DDX20: variants seen among roughly 807,000 people sequenced by gnomAD.
DDX20 encodes the protein DEAD-box helicase 20.
DDX20 carries 61 observed loss-of-function variants against 76.4 expected under a neutral mutation model. The ratio of observed to expected loss-of-function variants is 0.80; its 90% CI spans 0.65 to 0.99. The LOEUF (loss-of-function observed/expected upper bound fraction) is 0.99, where lower values mean the gene tolerates loss of function less well. Among genes scored for constraint, DDX20 ranks in the 50% least tolerant of loss-of-function variants. DDX20 has a pLI of 0.00. For missense variants in DDX20, 976 were observed against 996.8 expected, an observed-to-expected ratio of 0.98 and a Z score of 0.28; for synonymous variants, 357 against 357.4, an observed-to-expected ratio of 1.00 and a Z score of 0.01.
Position 111,762,784 on chromosome 1 carries a change from TAAAAA to T in DDX20, c.1210+14_1210+18del, listed in dbSNP as rs78248378. ...GGATTGGGAGAGCTGGCCGTTTTGG[TAAAAA>T]AAAAAAAAAAAGTTTGAGTGCTTTC... On this transcript the variant is annotated splice_donor_5th_base_variant and intron_variant, in intron 9 of 10. Transcript: ENST00000369702. 64 of 1,525,334 alleles carry T rather than the reference TAAAAA, an allele frequency of 4.2e-5. No individual in the cohort carries two copies. Among genetic ancestry groups the T allele is most frequent in the Non-Finnish European group, 5.3e-5 (59 of 1,117,496 alleles). 94.5% of individuals were successfully genotyped at this position (1,525,334 alleles called of 1,614,324 possible).
chr1:111,757,156 G>A (rs1663578947), intron 2 of DDX20, among the ~76,000 whole-genome samples: 1 of 151,640 alleles, frequency 6.6e-6, no homozygotes, highest in Admixed American at 6.6e-5. Flanking sequence ...GGGCTCCAGT[G>A]ATCCTCCCAC....
At position 111,766,662 on chromosome 1, in the gene DDX20, G is replaced by A. The variant is rs781063242; in HGVS notation, c.2238G>A (p.Leu746=). ...RNLPRRSSFR[L]QTEAQEDDWY... ...TACCCAGGCGGTCTTCCTTCAGATT[G>A]CAGACTGAAGCCCAGGAAGATGATT... The change falls in exon 11 of 11, where the codon TTG becomes TTA. Residue 746 remains leucine (L), a synonymous_variant. Coordinates refer to ENST00000369702, the MANE Select transcript of DDX20 (RefSeq NM_007204.5). The A allele has an allele frequency of 6.2e-7, 1 of 1,614,180 alleles. No individual in the cohort carries two copies. Among genetic ancestry groups the A allele is most frequent in the Non-Finnish European group, 8.5e-7 (1 of 1,180,022 alleles).
rs774241056 is a variant in DDX20 at position 111,765,750 on chromosome 1, T to C, written c.1326T>C (p.Ser442=). 2 of 1,595,354 alleles carry C rather than the reference T, an allele frequency of 1.3e-6. No homozygotes were observed. Among genetic ancestry groups the C allele is most frequent in the South Asian group, 2.3e-5 (2 of 87,232 alleles). ...NLLPLPDPIP[S]GLMEECVDWD... The stretch of plus-strand genomic sequence containing the variant: ...CTTTTTATGTAGATCCCATTCCTTC[T>C]GGTCTGATGGAAGAATGTGTGGATT... The change falls in exon 11 of 11, where the codon TCT becomes TCC. Residue 442 remains serine, a synonymous_variant. Coordinates refer to ENST00000369702, the MANE Select transcript of DDX20 (RefSeq NM_007204.5).
At position 111,761,208 on chromosome 1, in the gene DDX20, T is replaced by A. The variant is rs745780106; in HGVS notation, c.963-18T>A. 1 of 1,612,638 alleles carries A rather than the reference T, an allele frequency of 6.2e-7. No individual in the cohort carries two copies. Among genetic ancestry groups the A allele is most frequent in the Admixed American group, 1.7e-5 (1 of 59,876 alleles). On this transcript the variant is annotated intron_variant, in intron 6 of 10. Transcript: ENST00000369702. ...GCAATATTTGTAAATTTGTAACCAT[T>A]TATGTTATATTTCATAGAGCACAAC...
At chr1:111,762,430 T>C (rs1663692311) in intron 8 of DDX20, 93 bp downstream of exon 8, 1 of 1,052,164 alleles carries the variant, frequency 9.5e-7, no homozygotes, top group Non-Finnish European at 1.4e-6. Flanking sequence ...TATGTAGGCG[T>C]ATCTAACAAG....
chr1:111,759,587 T>C lies in DDX20; in HGVS notation c.565+19T>C. The C allele has an allele frequency of 6.2e-7, 1 of 1,603,530 alleles. No individual in the cohort carries two copies. Among genetic ancestry groups the C allele is most frequent in the Non-Finnish European group, 8.5e-7 (1 of 1,175,402 alleles). ...TCTCCTGGTAAGATAACAATGCCTGTTGGTAACCAGGGCTTTTAAGGAACT... is the reference window on the plus strand; with the variant it reads ...TCTCCTGGTAAGATAACAATGCCTGCTGGTAACCAGGGCTTTTAAGGAACT... On this transcript the variant is annotated intron_variant, in intron 3 of 10. Transcript: ENST00000369702.
chr1:111,760,534 T>C lies in DDX20; in HGVS notation c.626T>C (p.Ile209Thr). Residue 209 changes from isoleucine (I) to threonine (T), a missense_variant, in exon 4 of 11, where the codon ATT becomes ACT. Transcript: ENST00000369702. ...YLNPGSIRLF[I>T]LDEADKLLEE... ...AACCCAGGCAGTATACGCCTCTTTATTCTTGATGAAGCAGATAAGCTTTTA... is the reference window on the plus strand; with the variant it reads ...AACCCAGGCAGTATACGCCTCTTTACTCTTGATGAAGCAGATAAGCTTTTA... 1 of 1,613,466 alleles carries C rather than the reference T, an allele frequency of 6.2e-7. No homozygotes were observed. Among genetic ancestry groups the C allele is most frequent in the African/African-American group, 1.3e-5 (1 of 74,994 alleles).
At chr1:111,762,399 T>A in intron 8 of DDX20, 62 bp downstream of exon 8, 1 of 1,314,876 alleles carries the variant, frequency 7.6e-7, no homozygotes, top group Non-Finnish European at 1.1e-6. Context: ...TTATCAGATG[T>A]ACAGATTTCA....
intron 10 of DDX20, among the ~76,000 whole-genome samples, chr1:111,763,352 A>G (rs2101423081): frequency 6.6e-6 from 1 of 152,334 alleles, no homozygotes; most frequent in East Asian, 1.9e-4. Context: ...CAGGTGGATC[A>G]CATGAGGTCA....
Position 111,761,054 on chromosome 1 carries a change from T to G in DDX20, c.891T>G (p.Thr297=), listed in dbSNP as rs768355847. 2 of 1,613,988 alleles carry G rather than the reference T, an allele frequency of 1.2e-6. No individual in the cohort carries two copies. The highest frequency in any genetic ancestry group is 2.2e-5 in the South Asian group (2 of 91,072). ...PLAHKVFEEK[T]QHLQELFSRI... Reference sequence around the variant, plus strand: ...CACATAAGGTTTTTGAGGAAAAGACTCAGCATTTACAGGAACTGTTCAGCA... The same window carrying G: ...CACATAAGGTTTTTGAGGAAAAGACGCAGCATTTACAGGAACTGTTCAGCA... The change falls in exon 6 of 11, where the codon ACT becomes ACG. Residue 297 remains threonine (T), a synonymous_variant. Transcript: ENST00000369702.
At position 111,756,108 on chromosome 1, in the gene DDX20, G is replaced by C. The variant is rs1170621263; in HGVS notation, c.184G>C (p.Ala62Pro). The change falls in exon 1 of 11, where the codon GCC (alanine) becomes CCC (proline). Residue 62 changes from alanine to proline, a missense_variant. This residue lies in a region of DDX20 where 343 missense variants were observed against 286.4 expected (regional missense o/e 1.20). Transcript: ENST00000369702. ...RTGDVLLAEP[A>P]DFESLLLSRP... ...GGGGGATGTGCTGTTGGCGGAGCCG[G>C]CCGACTTCGAGTCACTGCTGCTTTC... 2.5e-6 allele frequency: 4 copies of C among 1,597,578 alleles called. No homozygotes were observed. In the African/African-American group the frequency reaches 5.3e-5, roughly 21 times the overall value.
intron 8 of DDX20, 117 bp from the exon 9 acceptor site, chr1:111,762,560 T>C: frequency 1.1e-6 from 1 of 944,728 alleles, no homozygotes; most frequent in Non-Finnish European, 1.6e-6. Context: ...TTTCCTCTGC[T>C]CCTCAGTATT....
intron 10 of DDX20, among the ~76,000 whole-genome samples, chr1:111,763,342 C>A (rs1281717083): frequency 6.6e-6 from 1 of 152,146 alleles, no homozygotes; most frequent in Non-Finnish European, 1.5e-5. Flanking sequence ...GAGGCCAGGA[C>A]AGGTGGATCA....
At chr1:111,757,919 A>G (rs577708740) in intron 2 of DDX20, among the ~76,000 whole-genome samples, 5 of 152,270 alleles carry the variant, frequency 3.3e-5, no homozygotes, top group South Asian at 2.1e-4. Flanking sequence ...CAGTGGCACA[A>G]TCTTGGCTCA....
In DDX20 at chr1:111,760,792, A is replaced by C; in HGVS notation, c.767A>C (p.Lys256Thr). Reference sequence around the variant, plus strand: ...GAATTTTTGGCTAATGCTTTGACAAAGTACATGAGAGATCCCACTTTTGTA... The same window carrying C: ...GAATTTTTGGCTAATGCTTTGACAACGTACATGAGAGATCCCACTTTTGTA... ...YPEFLANALT[K>T]YMRDPTFVRL... The change falls in exon 5 of 11, where the codon AAG (lysine) becomes ACG (threonine). Residue 256 changes from lysine to threonine, a missense_variant. Transcript: ENST00000369702. The C allele has an allele frequency of 6.2e-7, 1 of 1,613,950 alleles. No homozygotes were observed. Among genetic ancestry groups the C allele is most frequent in the Non-Finnish European group, 8.5e-7 (1 of 1,179,946 alleles).
chr1:111,759,331 A>G, intron 2 of DDX20, 69 bp from the exon 3 acceptor site: 1 of 1,139,560 alleles, frequency 8.8e-7, no homozygotes, highest in Non-Finnish European at 1.2e-6. Flanking sequence ...TGTGTCATGT[A>G]ATGAATATAC....
At chr1:111,757,636 A>G (rs1663588422) in intron 2 of DDX20, among the ~76,000 whole-genome samples, 1 of 152,210 alleles carries the variant, frequency 6.6e-6, no homozygotes, top group Admixed American at 6.5e-5. Context: ...CTGATGATGA[A>G]TCTTCAACAG....
At position 111,762,320 on chromosome 1, in the gene DDX20, C is replaced by T; in HGVS notation, c.1087C>T (p.Leu363Phe). 1 of 1,613,198 alleles carries T rather than the reference C, an allele frequency of 6.2e-7. No individual in the cohort carries two copies. Among genetic ancestry groups the T allele is most frequent in the Non-Finnish European group, 8.5e-7 (1 of 1,179,640 alleles). ...ACTGAAGCACTTTCATTGCAGAGTC[C>T]TCATTTCCACAGATTTGGTAAATTT... ...AKLKHFHCRV[L>F]ISTDLTSRGI... is the part of the protein sequence containing the mutation. Residue 363 changes from leucine to phenylalanine, a missense_variant, in exon 8 of 11, where the codon CTC becomes TTC. Physicochemically the swap from Leu to Phe is conservative, Grantham distance 22. Around this residue, in one of 3 missense-constraint regions of DDX20, gnomAD observed 630 missense variants for 693.7 expected, o/e 0.91. Transcript: ENST00000369702.
intron 2 of DDX20, 111 bp from the exon 3 acceptor site, chr1:111,759,289 T>C: frequency 1.1e-6 from 1 of 896,560 alleles, no homozygotes; most frequent in Non-Finnish European, 1.6e-6. Context: ...CAATAAAAAC[T>C]CATTTGAAAT....
Sources: gnomAD v4.1 joint callset for allele counts (sites outside exome capture counted in the v4.1 genomes callset) on GRCh38, gnomAD v4.1.1 for gene constraint, gnomAD v4.1.1 regional missense constraint, MANE v1.5 for transcripts, NCBI Gene and HGNC (gene_info 2026-07-23, HGNC 2026-07-21) for gene names.